Variants in RYR3 observed in about 807,000 individuals in gnomAD.
RYR3 encodes ryanodine receptor 3.
RYR3 carries 207 observed loss-of-function variants against 584.3 expected under a neutral mutation model. The observed-to-expected ratio is 0.35, with a 90% CI of 0.32 to 0.40. The LOEUF (loss-of-function observed/expected upper bound fraction) is 0.40, where lower values mean the gene tolerates loss of function less well. Among genes scored for constraint, RYR3 ranks in the 10% least tolerant of loss-of-function variants. The pLI is 1.00. For missense variants in RYR3, 5,616 were observed against 6,089.2 expected, an observed-to-expected ratio of 0.92 and a Z score of 2.59; for synonymous variants, 2,416 against 2,248.5, an observed-to-expected ratio of 1.07 and a Z score of -2.11.
chr15:33,503,922 C>G (rs992356703), intron 3 of RYR3, among the ~76,000 whole-genome samples, 184 bp downstream of exon 3: 6 of 152,204 alleles, frequency 3.9e-5, no homozygotes, highest in African/African-American at 1.4e-4. Context: ...TCTGCTTCCT[C>G]TGAGTTAATC....
intron 1 of RYR3, among the ~76,000 whole-genome samples, chr15:33,441,469 C>T (rs2596238): frequency 0.17 from 26,336 of 151,994 alleles, 2,769 homozygotes; most frequent in African/African-American, 0.29. Context: ...TGTTACTATT[C>T]CCATTTTTAG....
chr15:33,603,412 G>T (rs2291729), intron 18 of RYR3, 48 bp downstream of exon 18: 235,234 of 1,496,580 alleles, frequency 0.16, 19,025 homozygotes, highest in Middle Eastern at 0.17. Flanking sequence ...TGGAAATGAT[G>T]GAGGCTCAAA....
At chr15:33,570,004 G>C (rs1436377483) in intron 12 of RYR3, among the ~76,000 whole-genome samples, 2 of 151,934 alleles carry the variant, frequency 1.3e-5, no homozygotes, top group Non-Finnish European at 2.9e-5. Flanking sequence ...TTTATGATTT[G>C]CAAATATTTT....
At chr15:33,480,070 G>A (rs1388986580) in intron 2 of RYR3, among the ~76,000 whole-genome samples, 1 of 152,136 alleles carries the variant, frequency 6.6e-6, no homozygotes, top group Non-Finnish European at 1.5e-5. Flanking sequence ...GGTAAGACTG[G>A]GGAGGAGGGG....
intron 44 of RYR3, among the ~76,000 whole-genome samples, chr15:33,723,790 T>A (rs1329917486): frequency 2.6e-5 from 4 of 152,226 alleles, no homozygotes; most frequent in African/African-American, 9.6e-5. Flanking sequence ...AGGGAATGAA[T>A]GGTTGGTAGG....
intron 1 of RYR3, among the ~76,000 whole-genome samples, chr15:33,357,414 C>T (rs1974132649): frequency 6.6e-6 from 1 of 152,176 alleles, no homozygotes; most frequent in African/African-American, 2.4e-5. Flanking sequence ...TCTCTAGTGA[C>T]ACAAGGGTCA....
intron 5 of RYR3, among the ~76,000 whole-genome samples, chr15:33,535,671 G>T (rs886736334): frequency 2.6e-5 from 4 of 152,162 alleles, no homozygotes; most frequent in African/African-American, 7.2e-5. Context: ...AGATTGGAAA[G>T]AAATTGAGAA....
At chr15:33,552,802 C>T (rs3794576) in intron 10 of RYR3, among the ~76,000 whole-genome samples, 10,210 of 152,158 alleles carry the variant, frequency 0.067, 1,074 homozygotes, top group African/African-American at 0.22. Flanking sequence ...GGGGGAAGGG[C>T]GGTAGAAAGG....
chr15:33,662,168 G>C lies in RYR3; in HGVS notation c.4638G>C (p.Leu1546=). Residue 1546 remains leucine (L), a synonymous_variant, in exon 35 of 104, where the codon CTG becomes CTC. Coordinates refer to ENST00000634891, the MANE Select transcript of RYR3 (RefSeq NM_001036.6). ...IPEENRCVDI[L]ELCEQEDLMR... ...CTGTCCTCAGGTGTGTGGATATCCT[G>C]GAGCTCTGTGAGCAGGAGGACCTGA... The C allele has an allele frequency of 6.3e-7, 1 of 1,597,994 alleles. No homozygotes were observed. The highest frequency in any genetic ancestry group is 8.5e-7 in the Non-Finnish European group (1 of 1,173,210).
chr15:33,721,656 TAG>T (rs1244612302), intron 43 of RYR3, among the ~76,000 whole-genome samples: 1 of 152,148 alleles, frequency 6.6e-6, no homozygotes, highest in Admixed American at 6.5e-5. Context: ...TATGATTTTG[TAG>T]AGTTTTTCTT....
rs189125234 is a variant in RYR3, at chr15:33,853,583, G to C, written c.13700G>C (p.Gly4567Ala). Residue 4567 changes from glycine (G) to alanine (A), a missense_variant, in exon 96 of 104, where the codon GGA becomes GCA. Transcript: ENST00000634891. ...ATCAACAAGTATGGAGATCTCTACG[G>C]AGCAGAACGCATTGCTGAACTTCTG... ...KVINKYGDLYGAERIAELLGL... is the reference protein window; with the variant it reads ...KVINKYGDLYAAERIAELLGL... 6.2e-7 allele frequency: 1 copy of C among 1,613,950 alleles called. No homozygotes were observed. Among genetic ancestry groups the C allele is most frequent in the Admixed American group, 1.7e-5 (1 of 60,014 alleles).
intron 3 of RYR3, among the ~76,000 whole-genome samples, 163 bp downstream of exon 3, chr15:33,503,901 G>A (rs944017047): frequency 6.6e-6 from 1 of 152,166 alleles, no homozygotes; most frequent in Non-Finnish European, 1.5e-5. Context: ...GTGTTATTCA[G>A]CAACCCTACT....
At chr15:33,450,087 T>TAAAAAAAAGAA (rs2046991067) in intron 1 of RYR3, among the ~76,000 whole-genome samples, 2 of 67,340 alleles carry the variant, frequency 3.0e-5, no homozygotes, top group African/African-American at 1.1e-4. Context: ...CATTAATACC[T>TAAAAAAAAGAA]AAAAAAAAAA....
At chr15:33,493,308 C>A (rs540170235) in intron 2 of RYR3, among the ~76,000 whole-genome samples, 42 of 152,254 alleles carry the variant, frequency 2.8e-4, no homozygotes, top group Admixed American at 3.9e-4. Context: ...TTTTCTCTCT[C>A]CTGGCCTCTG....
chr15:33,370,192 T>C (rs924668862), intron 1 of RYR3, among the ~76,000 whole-genome samples: 1 of 152,104 alleles, frequency 6.6e-6, no homozygotes. Flanking sequence ...CCTGCTGCTA[T>C]ACAACCATGC....
chr15:33,435,123 T>C (rs1231494747), intron 1 of RYR3, among the ~76,000 whole-genome samples: 2 of 152,086 alleles, frequency 1.3e-5, no homozygotes, highest in African/African-American at 4.8e-5. Flanking sequence ...CCCTGCCATT[T>C]ACATTTTAAG....
chr15:33,776,391 T>C (rs2073993667), intron 64 of RYR3, among the ~76,000 whole-genome samples: 1 of 152,214 alleles, frequency 6.6e-6, no homozygotes, highest in Non-Finnish European at 1.5e-5. Flanking sequence ...TGGAGATACT[T>C]TGATGAACTT....
In RYR3 at chr15:33,311,240, C is replaced by T. The variant is rs1967220569; in HGVS notation, c.51+144C>T. ...CGCACCCGCGGGCTGCAGAGGCGGA[C>T]CGGCCACCTACCCGCGGGGCCGCGA... On this transcript the variant is annotated intron_variant, in intron 1 of 103. Coordinates refer to ENST00000634891, the MANE Select transcript of RYR3 (RefSeq NM_001036.6). This position sits in a 1 kb window ranked among gnomAD's most constrained non-coding sequence, Gnocchi z 4.4. The T allele has an allele frequency of 3.8e-6, 2 of 530,318 alleles. No individual in the cohort carries two copies. Among genetic ancestry groups the T allele is most frequent in the East Asian group, 3.8e-5 (1 of 26,526 alleles). The allele number at this position is 530,318 out of a possible 1,614,324, so 32.9% of individuals were successfully genotyped here.
chr15:33,448,187 C>T (rs546918597), intron 1 of RYR3, among the ~76,000 whole-genome samples: 13 of 152,206 alleles, frequency 8.5e-5, no homozygotes, highest in South Asian at 4.2e-4. Context: ...TGAGGGCCTC[C>T]GGGAGGATAA....
Sources: allele counts gnomAD v4.1 joint callset (sites outside exome capture counted in the v4.1 genomes callset), GRCh38; gene constraint gnomAD v4.1.1; non-coding constraint Gnocchi (gnomAD v3.1); transcripts MANE v1.5; gene names NCBI Gene and HGNC (gene_info 2026-07-23, HGNC 2026-07-21).